The following COL6A2 variants were observed in gnomAD, a reference collection of about 807,000 sequenced individuals.
The protein encoded by COL6A2 is collagen type VI alpha 2 chain.
COL6A2 carries 90 observed loss-of-function variants against 124.9 expected under a neutral mutation model. That is an observed-to-expected ratio of 0.72 (90% CI 0.61 to 0.86). COL6A2 has a LOEUF of 0.86. Among genes scored for constraint, COL6A2 ranks in the 40% least tolerant of loss-of-function variants. The probability of loss-of-function intolerance (pLI) is 0.00; values close to 1 mark genes in which losing one functional copy is unlikely to be tolerated. For synonymous variants in COL6A2, 793 were observed against 618.2 expected, an observed-to-expected ratio of 1.28 and a Z score of -4.19; for missense variants, 1,607 against 1,502.5, an observed-to-expected ratio of 1.07 and a Z score of -1.15.
intron 5 of COL6A2, among the ~76,000 whole-genome samples, chr21:46,114,706 T>G (rs1225136397): frequency 6.6e-6 from 1 of 152,206 alleles, no homozygotes; most frequent in Non-Finnish European, 1.5e-5. Context: ...ATAAGCAGTT[T>G]TAGGGAGCCT....
At chr21:46,120,622 G>A in intron 16 of COL6A2, 45 bp downstream of exon 16, 1 of 1,427,646 alleles carries the variant, frequency 7.0e-7, no homozygotes, top group South Asian at 1.5e-5. Context: ...GGGATCTGAG[G>A]GGGTGCAGGG....
Position 46,126,079 on chromosome 21 carries a change from C to T in COL6A2, c.2264C>T (p.Thr755Met), listed in dbSNP as rs369954815. 13 of 1,612,832 alleles carry T rather than the reference C, an allele frequency of 8.1e-6. No homozygotes were observed. The highest frequency in any genetic ancestry group is 1.7e-5 in the Admixed American group (1 of 60,018). ...RALCDRDVTV[T>M]AIGIGDMFHE... Reference sequence around the variant, plus strand: ...CTGTGCGACCGCGACGTCACAGTGACGGCCATCGGCATCGGGGACATGTTC... The same window carrying T: ...CTGTGCGACCGCGACGTCACAGTGATGGCCATCGGCATCGGGGACATGTTC... The change falls in exon 26 of 28, where the codon ACG (threonine) becomes ATG (methionine). Residue 755 changes from threonine to methionine, a missense_variant. Thr to Met is a moderately conservative substitution (Grantham distance 81). This residue lies in a region of COL6A2 where 1,223 missense variants were observed against 1,052.2 expected (regional missense o/e 1.16). Transcript: ENST00000300527.
chr21:46,125,913 G>A lies in COL6A2; in HGVS notation c.2098G>A (p.Gly700Ser), dbSNP rs794727418. The A allele has an allele frequency of 3.7e-6, 6 of 1,613,094 alleles. No homozygotes were observed. Among genetic ancestry groups the A allele is most frequent in the Middle Eastern group, 1.6e-4 (1 of 6,062 alleles). ...CAAGAACCTCGAGTGGATTGCGGGC[G>A]GCACCTGGACACCCTCAGCCCTCAA... ...AVKNLEWIAGGTWTPSALKFA... is the reference protein window; with the variant it reads ...AVKNLEWIAGSTWTPSALKFA... Residue 700 changes from glycine (G) to serine (S), a missense_variant, in exon 26 of 28, where the codon GGC becomes AGC. Gly to Ser is a moderately conservative substitution (Grantham distance 56). This residue lies in a region of COL6A2 where 1,223 missense variants were observed against 1,052.2 expected (regional missense o/e 1.16). Coordinates refer to ENST00000300527, the MANE Select transcript of COL6A2 (RefSeq NM_001849.4).
chr21:46,100,964 A>C, intron 1 of COL6A2, among the ~76,000 whole-genome samples: 1 of 152,170 alleles, frequency 6.6e-6, no homozygotes, highest in East Asian at 1.9e-4. Flanking sequence ...TTTGAGAATT[A>C]ATTGCCTCAC....
chr21:46,114,211 C>G (rs747908429), intron 5 of COL6A2, 138 bp downstream of exon 5: 46 of 722,878 alleles, frequency 6.4e-5, no homozygotes, highest in Non-Finnish European at 1.0e-4. Context: ...CGGATCACAA[C>G]GTCAGGAGAT....
At chr21:46,112,677 C>T in intron 3 of COL6A2, 100 bp downstream of exon 3, 3 of 1,593,630 alleles carry the variant, frequency 1.9e-6, no homozygotes, top group Non-Finnish European at 2.6e-6. Flanking sequence ...AGTGCGGAGG[C>T]CGAAGGAGGA....
chr21:46,126,066 G>A lies in COL6A2; in HGVS notation c.2251G>A (p.Asp751Asn), dbSNP rs375884809. ...DLNLRALCDR[D>N]VTVTAIGIGD... ...CAACTTGCGGGCGCTGTGCGACCGC[G>A]ACGTCACAGTGACGGCCATCGGCAT... Residue 751 changes from aspartate (D) to asparagine (N), a missense_variant, in exon 26 of 28, where the codon GAC becomes AAC. Physicochemically the swap from Asp to Asn is conservative, Grantham distance 23. Around this residue, in one of 3 missense-constraint regions of COL6A2, gnomAD observed 1,223 missense variants for 1,052.2 expected, o/e 1.16. Transcript: ENST00000300527. 9.2e-5 allele frequency: 149 copies of A among 1,612,870 alleles called. No homozygotes were observed. The highest frequency in any genetic ancestry group is 1.2e-4 in the Non-Finnish European group (144 of 1,180,024).
At chr21:46,118,755 C>A in intron 13 of COL6A2, 79 bp downstream of exon 13, 1 of 1,484,108 alleles carries the variant, frequency 6.7e-7, no homozygotes, top group Non-Finnish European at 9.2e-7. Flanking sequence ...TCACGCTGGC[C>A]ACCATCTCTG....
intron 1 of COL6A2, among the ~76,000 whole-genome samples, chr21:46,099,455 CAAAAAAAAAAAAAA>C (rs35690093): frequency 2.9e-5 from 2 of 68,686 alleles, no homozygotes; most frequent in South Asian, 6.7e-4. Context: ...GAGACTGTCT[CAAAAAAAAAAAAAA>C]AAAAAAAAAA....
chr21:46,106,013 T>C (rs1388416922), intron 1 of COL6A2, among the ~76,000 whole-genome samples: 1 of 152,092 alleles, frequency 6.6e-6, no homozygotes, highest in Non-Finnish European at 1.5e-5. Context: ...GAAACATAAA[T>C]AGATTGACAG....
chr21:46,129,813 G>A (rs1296758872), intron 27 of COL6A2: 3 of 1,159,784 alleles, frequency 2.6e-6, no homozygotes, highest in South Asian at 2.9e-5. Context: ...CCCGTCTGCA[G>A]AGTCCTTCTT....
intron 27 of COL6A2, 46 bp from the exon 28 acceptor site, chr21:46,131,908 C>T: frequency 6.5e-7 from 1 of 1,528,384 alleles, no homozygotes; most frequent in Non-Finnish European, 8.8e-7. Flanking sequence ...CTGCCCGGTC[C>T]TGCCCACCTC....
In COL6A2 at chr21:46,126,095, G is replaced by A. The variant is rs1239943559; in HGVS notation, c.2280G>A (p.Gly760=). The stretch of plus-strand genomic sequence containing the variant: ...TCACAGTGACGGCCATCGGCATCGG[G>A]GACATGTTCCACGAGAAGCACGAGA... ...RDVTVTAIGI[G]DMFHEKHESE... is the part of the protein sequence containing the mutation. The change falls in exon 26 of 28, where the codon GGG becomes GGA. Residue 760 remains glycine (G), a synonymous_variant. Transcript: ENST00000300527. 1 of 1,612,872 alleles carries A rather than the reference G, an allele frequency of 6.2e-7. No individual in the cohort carries two copies.
At chr21:46,102,852 T>C (rs1472638281) in intron 1 of COL6A2, among the ~76,000 whole-genome samples, 1 of 152,234 alleles carries the variant, frequency 6.6e-6, no homozygotes, top group Admixed American at 6.5e-5. Flanking sequence ...TTTGCATCAA[T>C]GTTCATAAGG....
Position 46,120,710 on chromosome 21 carries a change from AG to A in COL6A2, c.1395+139del, listed in dbSNP as rs965140164. 5 of 856,622 alleles carry A rather than the reference AG, an allele frequency of 5.8e-6. No individual in the cohort carries two copies. In the East Asian group the frequency reaches 1.3e-4, roughly 23 times the overall value. The allele number at this position is 856,622 out of a possible 1,614,324, so 53.1% of individuals were successfully genotyped here. On this transcript the variant is annotated intron_variant, in intron 16 of 27. Transcript: ENST00000300527. The stretch of plus-strand genomic sequence containing the variant: ...CGGGTGGGTGCTGCACCCCAAGGTA[AG>A]GGGGGCCCAGGTGAGGGCTATACCT...
At chr21:46,115,831 C>A (rs373943374) in intron 5 of COL6A2, 41 bp from the exon 6 acceptor site, 28 of 1,602,852 alleles carry the variant, frequency 1.7e-5, no homozygotes, top group Non-Finnish European at 2.4e-5. Flanking sequence ...GCCTACCGCC[C>A]ACCCTACCCT....
intron 20 of COL6A2, 48 bp downstream of exon 20, chr21:46,122,579 CA>C: frequency 6.3e-7 from 1 of 1,597,054 alleles, no homozygotes. Flanking sequence ...TGGGGGTCTG[CA>C]CGCCCAATTG....
intron 20 of COL6A2, 121 bp downstream of exon 20, chr21:46,122,652 C>T: frequency 8.4e-7 from 1 of 1,183,718 alleles, no homozygotes; most frequent in Admixed American, 1.9e-5. Flanking sequence ...GGTCCTGGCT[C>T]CCCAAGGCCC....
Position 46,132,122 on chromosome 21 carries a change from T to C in COL6A2, c.2630T>C (p.Val877Ala). The change falls in exon 28 of 28, where the codon GTG becomes GCG. Residue 877 changes from valine to alanine, a missense_variant. By Grantham distance (64) the Val-to-Ala change is moderately conservative. Transcript: ENST00000300527. ...GACGACGACCCTCTCAACGCACGCG[T>C]GGCGCTGCTGCAGTTTGGTGGCCCC... ...RRDDDPLNAR[V>A]ALLQFGGPGE... 6.3e-7 allele frequency: 1 copy of C among 1,580,712 alleles called. No individual in the cohort carries two copies. Among genetic ancestry groups the C allele is most frequent in the Non-Finnish European group, 8.6e-7 (1 of 1,166,042 alleles).
Sources: allele counts gnomAD v4.1 joint callset (sites outside exome capture counted in the v4.1 genomes callset), GRCh38; gene constraint gnomAD v4.1.1; regional missense constraint gnomAD v4.1.1; transcripts MANE v1.5; gene names NCBI Gene and HGNC (gene_info 2026-07-23, HGNC 2026-07-21).